Variants in HDAC9 observed in about 807,000 individuals in gnomAD.
HDAC9 encodes histone deacetylase 9, also known as MEF-2 interacting transcription repressor (MITR) protein.
In HDAC9, 41 loss-of-function variants were observed where a neutral mutation model predicts 139.4. That is an observed-to-expected ratio of 0.29 (90% CI 0.23 to 0.38). HDAC9 has a LOEUF of 0.38. HDAC9 is among the 10% of genes least tolerant of loss of function. The pLI is 1.00. For synonymous variants in HDAC9, 517 were observed against 476.2 expected, an observed-to-expected ratio of 1.09 and a Z score of -1.12; for missense variants, 1,147 against 1,297.0, an observed-to-expected ratio of 0.88 and a Z score of 1.78.
rs143492894 is a variant in HDAC9, at chr7:18,752,542, C to T, written c.2043+3404C>T. Among the ~76,000 whole-genome samples the T allele has an allele frequency of 4.8e-4, 73 of 152,154 alleles. 2 individuals are homozygous for T. The highest frequency in any genetic ancestry group is 1.3e-3 in the African/African-American group (53 of 41,534). On this transcript the variant is annotated intron_variant, in intron 14 of 25. Coordinates refer to ENST00000686413, the MANE Select transcript of HDAC9 (RefSeq NM_178425.4). ...CCTTTGCCTAGTTGTGTCTAAAACA[C>T]GCTAACATGAGGAGGTATAATCTCT...
rs1781709128 is a variant in HDAC9, at chr7:18,629,568, A to G, written c.796+87A>G. 48 of 1,257,096 alleles carry G rather than the reference A, an allele frequency of 3.8e-5. No individual in the cohort carries two copies. In the South Asian group the frequency reaches 7.3e-4, roughly 19 times the overall value. 77.9% of individuals were successfully genotyped at this position (1,257,096 alleles called of 1,614,324 possible). A position where few individuals can be genotyped will look rare whatever the true frequency, so the allele number is the denominator to read the frequency against. ...GAATAAATATACCTGCTGCATATTA[A>G]AAGTTATTTTGAGAAGAAATATTTC... is the stretch of plus-strand genomic sequence containing the variant. On this transcript the variant is annotated intron_variant, in intron 7 of 25. Coordinates refer to ENST00000686413, the MANE Select transcript of HDAC9 (RefSeq NM_178425.4).
At chr7:18,861,548 A>G (rs369198643) in intron 21 of HDAC9, among the ~76,000 whole-genome samples, 1 of 152,258 alleles carries the variant, frequency 6.6e-6, no homozygotes, top group East Asian at 1.9e-4. Flanking sequence ...ATACACTAAT[A>G]CTATTCTCAC....
At chr7:18,821,399 G>A (rs935475098) in intron 17 of HDAC9, among the ~76,000 whole-genome samples, 11 of 152,114 alleles carry the variant, frequency 7.2e-5, no homozygotes, top group Non-Finnish European at 2.9e-5. Flanking sequence ...GCATTATTCA[G>A]GCAAAGGGAG....
chr7:18,747,596 G>A (rs968552560), intron 13 of HDAC9, among the ~76,000 whole-genome samples: 1 of 152,154 alleles, frequency 6.6e-6, no homozygotes, highest in Admixed American at 6.5e-5. Flanking sequence ...ACAACTAAGT[G>A]GAGATTTTGG....
chr7:18,123,809 A>C (rs1015251036), intron 1 of HDAC9, among the ~76,000 whole-genome samples: 1 of 152,168 alleles, frequency 6.6e-6, no homozygotes, highest in African/African-American at 2.4e-5. Context: ...TCTCTCACAT[A>C]ATAAGTCTAA....
chr7:18,970,346 A>G (rs751419094), intron 24 of HDAC9, among the ~76,000 whole-genome samples: 7 of 152,216 alleles, frequency 4.6e-5, no homozygotes, highest in Admixed American at 2.0e-4. Flanking sequence ...ATGCTTTGAC[A>G]AACATGAATT....
rs536121789 is a variant in HDAC9 at position 18,218,170 on chromosome 7, G to A, written c.25+55821G>A. ...TTCAGAAGTTACATACTGGCTGGGT[G>A]CAGTGACTTGTGCCTATAATTCTAG... On this transcript the variant is annotated intron_variant, in intron 2 of 12. Coordinates refer to the HDAC9 transcript ENST00000417496. Among the ~76,000 whole-genome samples, 13 of 152,204 alleles carry A rather than the reference G, an allele frequency of 8.5e-5. No individual in the cohort carries two copies. In the South Asian group the frequency reaches 1.2e-3, roughly 15 times the overall value.
chr7:18,655,925 G>C (rs935022992), intron 11 of HDAC9, among the ~76,000 whole-genome samples: 1 of 152,084 alleles, frequency 6.6e-6, no homozygotes, highest in African/African-American at 2.4e-5. Flanking sequence ...AAATAATTTG[G>C]TTGTTTCCCA....
chr7:18,132,451 C>T (rs1233819013), intron 1 of HDAC9, among the ~76,000 whole-genome samples: 5 of 151,642 alleles, frequency 3.3e-5, no homozygotes, highest in Admixed American at 3.3e-4. Context: ...ACTCTGGTGC[C>T]CAGGTTAAAG....
At chr7:18,225,569 C>T (rs1792999489) in intron 2 of HDAC9, among the ~76,000 whole-genome samples, 1 of 151,986 alleles carries the variant, frequency 6.6e-6, no homozygotes, top group Non-Finnish European at 1.5e-5. Flanking sequence ...ACAAATCTTA[C>T]AAGAAAGTTT....
chr7:18,208,108 C>T (rs1296298061), intron 2 of HDAC9, among the ~76,000 whole-genome samples: 4 of 152,246 alleles, frequency 2.6e-5, no homozygotes, highest in Non-Finnish European at 2.9e-5. Context: ...ATTTCTCATA[C>T]GTATGCTTAG....
At chr7:18,817,124 T>C (rs1794625625) in intron 17 of HDAC9, among the ~76,000 whole-genome samples, 1 of 150,658 alleles carries the variant, frequency 6.6e-6, no homozygotes, top group Admixed American at 6.6e-5. Context: ...AAGCTCCGCC[T>C]CCGGGGTTCA....
intron 2 of HDAC9, among the ~76,000 whole-genome samples, chr7:18,234,330 C>T (rs1793673180): frequency 6.6e-6 from 1 of 152,102 alleles, no homozygotes; most frequent in South Asian, 2.1e-4. Flanking sequence ...GATAAATTGC[C>T]AATATGTAGA....
chr7:18,139,753 AG>A lies in HDAC9; in HGVS notation c.-96-22475del, dbSNP rs1350668764. ...TATTGTCCAGGTGGGCCCTAAATGC[AG>A]TCACATGTATCTTATAAAGAGGGAG... On this transcript the variant is annotated intron_variant, in intron 1 of 12. Transcript: ENST00000417496. Among the ~76,000 whole-genome samples, 13 of 152,314 alleles carry A rather than the reference AG, an allele frequency of 8.5e-5. No individual in the cohort carries two copies. In the East Asian group the frequency reaches 2.5e-3, roughly 29 times the overall value.
intron 13 of HDAC9, 88 bp downstream of exon 13, chr7:18,727,845 C>A: frequency 1.9e-6 from 2 of 1,053,524 alleles, no homozygotes; most frequent in Non-Finnish European, 2.6e-6. Context: ...TGAATAACTC[C>A]AATAGCAGAA....
At chr7:18,270,114 C>T (rs1796260371) in intron 2 of HDAC9, among the ~76,000 whole-genome samples, 1 of 151,972 alleles carries the variant, frequency 6.6e-6, no homozygotes, top group African/African-American at 2.4e-5. Context: ...TTAGGCATTG[C>T]TAGATGTCCC....
intron 2 of HDAC9, among the ~76,000 whole-genome samples, chr7:18,265,809 A>G (rs1329940061): frequency 6.6e-6 from 1 of 152,162 alleles, no homozygotes; most frequent in Non-Finnish European, 1.5e-5. Context: ...AATCTGTAGC[A>G]ATATGTGTTT....
chr7:18,286,425 A>G (rs1169405993), upstream of HDAC9, among the ~76,000 whole-genome samples: 1 of 149,070 alleles, frequency 6.7e-6, no homozygotes, highest in African/African-American at 2.4e-5. Flanking sequence ...ATGTAAAATA[A>G]TAATTATAGT....
At chr7:18,227,576 G>T (rs905872956) in intron 2 of HDAC9, among the ~76,000 whole-genome samples, 3 of 152,002 alleles carry the variant, frequency 2.0e-5, no homozygotes, top group Non-Finnish European at 4.4e-5. Flanking sequence ...ACATTCTTAG[G>T]TGCAGATAAA....
Sources: gnomAD v4.1 joint callset for allele counts (sites outside exome capture counted in the v4.1 genomes callset) on GRCh38, gnomAD v4.1.1 for gene constraint, MANE v1.5 for transcripts, NCBI Gene and HGNC (gene_info 2026-07-23, HGNC 2026-07-21) for gene names.